LMNA: variants seen among roughly 807,000 people sequenced by gnomAD.
The protein encoded by LMNA is lamin.
LMNA carries 20 observed loss-of-function variants against 70.4 expected under a neutral mutation model. The observed-to-expected ratio is 0.28, with a 90% confidence interval of 0.20 to 0.41. The LOEUF (loss-of-function observed/expected upper bound fraction) is 0.41, where lower values mean the gene tolerates loss of function less well. LMNA is among the 10% of genes least tolerant of loss of function. The pLI, the probability that LMNA is intolerant of heterozygous loss-of-function variation, is 1.00. For synonymous variants in LMNA, 339 were observed against 372.8 expected (o/e 0.91, Z 1.04); for missense variants, 652 against 917.2 (o/e 0.71, Z 3.73).
At chr1:156,086,425 T>TCTCTCTCTCTC (rs1553259431) in intron 2 of LMNA, among the ~76,000 whole-genome samples, 1 of 151,080 alleles carries the variant, frequency 6.6e-6, no homozygotes, top group African/African-American at 2.4e-5. Flanking sequence ...TCTCTCTCTC[T>TCTCTCTCTCTC]TTTGTCTTTC....
intron 3 of LMNA, among the ~76,000 whole-genome samples, chr1:156,106,462 G>A (rs983767993): frequency 6.6e-6 from 1 of 152,228 alleles, no homozygotes; most frequent in Non-Finnish European, 1.5e-5. Flanking sequence ...ACTCACACGC[G>A]GCCGCCCACA....
At position 156,130,236 on chromosome 1, in the gene LMNA, A is replaced by T. The variant is rs190783563; in HGVS notation, c.357-381A>T. ...GGCCAAAGGGAAGTGAGTAGAGTCCAGGGAGAAGGCTAAGTAAGGCCCTGT... is the reference window on the plus strand; with the variant it reads ...GGCCAAAGGGAAGTGAGTAGAGTCCTGGGAGAAGGCTAAGTAAGGCCCTGT... On this transcript the variant is annotated intron_variant, in intron 1 of 11. Coordinates refer to ENST00000368300, the MANE Select transcript of LMNA (RefSeq NM_170707.4). Among the ~76,000 whole-genome samples the T allele has an allele frequency of 1.4e-4, 22 of 152,280 alleles. No homozygotes were observed. The East Asian group carries it at 4.3e-3, about 29-fold the overall frequency.
rs921069523 is a variant in LMNA at position 156,137,613 on chromosome 1, C to T, written c.1609-41C>T. On this transcript the variant is annotated intron_variant, in intron 9 of 11. Transcript: ENST00000368300. This position sits in a 1 kb window ranked among gnomAD's most constrained non-coding sequence, Gnocchi z 4.6. ...GGGTAGACATGCTGTACAACCCTTC[C>T]CTGGCCCTGACCCTTGGACCTGGTT... The T allele has an allele frequency of 5.9e-6, 9 of 1,532,320 alleles. No homozygotes were observed. In the African/African-American group the frequency reaches 9.6e-5, roughly 16 times the overall value. The allele number at this position is 1,532,320 out of a possible 1,614,324, so 94.9% of individuals were successfully genotyped here.
chr1:156,116,431 A>G (rs1322636892), intron 1 of LMNA, among the ~76,000 whole-genome samples: 3 of 151,352 alleles, frequency 2.0e-5, no homozygotes, highest in Non-Finnish European at 4.4e-5. Flanking sequence ...AGCCCCATCA[A>G]AATTTGTTTC....
chr1:156,112,486 C>T (rs111426147), upstream of LMNA, among the ~76,000 whole-genome samples: 20 of 152,312 alleles, frequency 1.3e-4, no homozygotes, highest in African/African-American at 4.1e-4. Flanking sequence ...GAAAAGGGGG[C>T]ACTGAGTGCC....
intron 3 of LMNA, among the ~76,000 whole-genome samples, chr1:156,101,023 T>G (rs1649121933): frequency 6.6e-6 from 1 of 151,646 alleles, no homozygotes; most frequent in Non-Finnish European, 1.5e-5. Flanking sequence ...CAGAAAGCAA[T>G]GAGAGAGGTT....
intron 2 of LMNA, among the ~76,000 whole-genome samples, chr1:156,084,328 C>CGT (rs1491205878): frequency 3.3e-5 from 3 of 91,048 alleles, no homozygotes; most frequent in African/African-American, 1.1e-4. Context: ...CTCAGAAGGT[C>CGT]GGGGGGTGGT....
In LMNA at chr1:156,137,377, T is replaced by C. The variant is rs1053723159; in HGVS notation, c.1608+145T>C. 4.6e-6 allele frequency: 5 copies of C among 1,080,776 alleles called. No individual in the cohort carries two copies. The African/African-American group carries it at 7.8e-5, about 17-fold the overall frequency. 66.9% of individuals were successfully genotyped at this position (1,080,776 alleles called of 1,614,324 possible). A position where few individuals can be genotyped will look rare whatever the true frequency, so the allele number is the denominator to read the frequency against. ...GCAGGCTCCAGACTTCTCCACCCAG[T>C]AGGCAAACCAAAAGATGCTTCCTCA... On this transcript the variant is annotated intron_variant, in intron 9 of 11. Coordinates refer to ENST00000368300, the MANE Select transcript of LMNA (RefSeq NM_170707.4). This position sits in a 1 kb window ranked among gnomAD's most constrained non-coding sequence, Gnocchi z 4.6.
At position 156,137,345 on chromosome 1, in the gene LMNA, C is replaced by T. The variant is rs1651749690; in HGVS notation, c.1608+113C>T. ...CAATTCAGGGCCCCTTTCTAGAGCT[C>T]TCTGTTGCAGGCTCCAGACTTCTCC... On this transcript the variant is annotated intron_variant, in intron 9 of 11. Coordinates refer to ENST00000368300, the MANE Select transcript of LMNA (RefSeq NM_170707.4). This position sits in a 1 kb window ranked among gnomAD's most constrained non-coding sequence, Gnocchi z 4.6. The T allele has an allele frequency of 2.2e-6, 3 of 1,385,850 alleles. No individual in the cohort carries two copies. Among genetic ancestry groups the T allele is most frequent in the Non-Finnish European group, 3.0e-6 (3 of 1,012,066 alleles). 85.8% of individuals were successfully genotyped at this position (1,385,850 alleles called of 1,614,324 possible).
chr1:156,092,515 C>T (rs746938840), intron 3 of LMNA, among the ~76,000 whole-genome samples: 50 of 151,724 alleles, frequency 3.3e-4, no homozygotes, highest in Admixed American at 1.4e-3. Flanking sequence ...CCCGTCTCTA[C>T]AAAAAATACA....
At position 156,139,159 on chromosome 1, in the gene LMNA, C is replaced by T. The variant is rs1651912169; in HGVS notation, c.*53C>T. The T allele has an allele frequency of 1.1e-5, 18 of 1,612,736 alleles. No individual in the cohort carries two copies. Among genetic ancestry groups the T allele is most frequent in the African/African-American group, 1.3e-5 (1 of 74,894 alleles). On this transcript the variant is annotated 3_prime_UTR_variant, in exon 12 of 12. Transcript: ENST00000368300. ...GTGGAGGCTTCCTGCGTCCTCCTCA[C>T]CTCATGCCCACCCCCTGCCCTGCAC...
At position 156,139,681 on chromosome 1, in the gene LMNA, C is replaced by T. The variant is rs1044832452; in HGVS notation, c.*575C>T. 122 of 1,515,304 alleles carry T rather than the reference C, an allele frequency of 8.1e-5. 3 individuals are homozygous for T. The Middle Eastern group carries it at 9.4e-4, about 12-fold the overall frequency. The allele number at this position is 1,515,304 out of a possible 1,614,324, so 93.9% of individuals were successfully genotyped here. On this transcript the variant is annotated 3_prime_UTR_variant, in exon 12 of 12. Transcript: ENST00000368300. The stretch of plus-strand genomic sequence containing the variant: ...CTGGCTGAGGTTCCTCTGCCTGCCC[C>T]GCCCCCAGTCCCCACCCCTGCCCCC...
At chr1:156,086,045 C>T (rs996807329) in intron 2 of LMNA, among the ~76,000 whole-genome samples, 4 of 152,140 alleles carry the variant, frequency 2.6e-5, no homozygotes, top group African/African-American at 9.7e-5. Context: ...AGGGAGACTC[C>T]GTCTCAAAAA....
chr1:156,137,582 T>C lies in LMNA; in HGVS notation c.1609-72T>C, dbSNP rs1651769607. 5 of 1,368,540 alleles carry C rather than the reference T, an allele frequency of 3.7e-6. No individual in the cohort carries two copies. Among genetic ancestry groups the C allele is most frequent in the Non-Finnish European group, 5.1e-6 (5 of 984,682 alleles). 84.8% of individuals were successfully genotyped at this position (1,368,540 alleles called of 1,614,324 possible). On this transcript the variant is annotated intron_variant, in intron 9 of 11. Coordinates refer to ENST00000368300, the MANE Select transcript of LMNA (RefSeq NM_170707.4). This position sits in a 1 kb window ranked among gnomAD's most constrained non-coding sequence, Gnocchi z 4.6. ...AGGCCACAAGAAAAGTTGCAGGTGG[T>C]CACTGGGGTAGACATGCTGTACAAC...
intron 2 of LMNA, among the ~76,000 whole-genome samples, chr1:156,086,827 C>A (rs778451904): frequency 5.9e-5 from 9 of 152,180 alleles, no homozygotes; most frequent in Non-Finnish European, 1.3e-4. Context: ...TTAGTAGAGA[C>A]GGGGTTTCAC....
chr1:156,137,555 G>T lies in LMNA; in HGVS notation c.1609-99G>T, dbSNP rs749140760. The T allele has an allele frequency of 3.6e-6, 4 of 1,113,742 alleles. No individual in the cohort carries two copies. Among genetic ancestry groups the T allele is most frequent in the East Asian group, 2.6e-5 (1 of 39,040 alleles). The allele number at this position is 1,113,742 out of a possible 1,614,324, so 69.0% of individuals were successfully genotyped here. On this transcript the variant is annotated intron_variant, in intron 9 of 11. Transcript: ENST00000368300. The surrounding 1 kb of genome is among the most constrained non-coding windows in gnomAD (Gnocchi z 4.6). Reference sequence around the variant, plus strand: ...GAGTAAGCAGCAGGCCGGACAAAGGGCAGGCCACAAGAAAAGTTGCAGGTG... The same window carrying T: ...GAGTAAGCAGCAGGCCGGACAAAGGTCAGGCCACAAGAAAAGTTGCAGGTG...
At chr1:156,124,578 C>T (rs1247187377) in intron 1 of LMNA, among the ~76,000 whole-genome samples, 3 of 152,202 alleles carry the variant, frequency 2.0e-5, no homozygotes, top group Non-Finnish European at 2.9e-5. Flanking sequence ...TGAGCCACTG[C>T]GCCCAGCCTC....
intron 3 of LMNA, among the ~76,000 whole-genome samples, chr1:156,106,199 G>A (rs1649338635): frequency 6.6e-6 from 1 of 152,052 alleles, no homozygotes; most frequent in Non-Finnish European, 1.5e-5. Context: ...CAGGGCAATT[G>A]CCCACCCTAG....
chr1:156,139,544 C>T lies in LMNA; in HGVS notation c.*438C>T. 1 of 1,374,496 alleles carries T rather than the reference C, an allele frequency of 7.3e-7. No individual in the cohort carries two copies. Among genetic ancestry groups the T allele is most frequent in the South Asian group, 1.5e-5 (1 of 64,676 alleles). The allele number at this position is 1,374,496 out of a possible 1,614,324, so 85.1% of individuals were successfully genotyped here. A position where few individuals can be genotyped will look rare whatever the true frequency, so the allele number is the denominator to read the frequency against. The stretch of plus-strand genomic sequence containing the variant: ...GCAGGCATAGAGGCTTCTCCGCCAG[C>T]CTCCTCTGGACGGCAGGCTCACTGC... On this transcript the variant is annotated 3_prime_UTR_variant, in exon 12 of 12. Transcript: ENST00000368300.
Sources: allele counts gnomAD v4.1 joint callset (sites outside exome capture counted in the v4.1 genomes callset), GRCh38; gene constraint gnomAD v4.1.1; non-coding constraint Gnocchi (gnomAD v3.1); transcripts MANE v1.5; gene names NCBI Gene and HGNC (gene_info 2026-07-23, HGNC 2026-07-21).